RNF149: variants seen among roughly 807,000 people sequenced by gnomAD.
RNF149 encodes ring finger protein 149.
In RNF149, 21 loss-of-function variants were observed where a neutral mutation model predicts 39.0. The observed-to-expected ratio is 0.54, with a 90% CI of 0.38 to 0.77. The LOEUF (loss-of-function observed/expected upper bound fraction) is 0.77, where lower values mean the gene tolerates loss of function less well. Among genes scored for constraint, RNF149 ranks in the 30% least tolerant of loss-of-function variants. The pLI is 0.00. For missense variants in RNF149, 493 were observed against 534.9 expected (o/e 0.92, Z 0.77); for synonymous variants, 209 against 213.6 (o/e 0.98, Z 0.19).
chr2:101,285,791 T>C (rs1682771630), intron 5 of RNF149, among the ~76,000 whole-genome samples: 1 of 152,252 alleles, frequency 6.6e-6, no homozygotes, highest in African/African-American at 2.4e-5. Flanking sequence ...TATACAAAAC[T>C]AGCATACATA....
Position 101,295,045 on chromosome 2 carries a change from C to G in RNF149, c.597G>C (p.Gln199His). Residue 199 changes from glutamine to histidine, a missense_variant, in exon 2 of 7, where the codon CAG becomes CAC. Transcript: ENST00000295317. ...AGGCAATGGCCACAAACACCACAGA[C>G]TGACCGCTGATGAACTCCTGTACAT... is the stretch of plus-strand genomic sequence containing the variant. ...TRHVQEFISGQSVVFVAIAFI... is the reference protein window; with the variant it reads ...TRHVQEFISGHSVVFVAIAFI... 6.2e-7 allele frequency: 1 copy of G among 1,614,192 alleles called. No individual in the cohort carries two copies. The highest frequency in any genetic ancestry group is 8.5e-7 in the Non-Finnish European group (1 of 1,180,040).
At position 101,283,871 on chromosome 2, in the gene RNF149, C is replaced by T. The variant is rs767311145; in HGVS notation, c.961-1814G>A. 4.6e-4 allele frequency among the ~76,000 whole-genome samples: 70 copies of T among 152,110 alleles called. 1 individual carries two copies. The highest frequency in any genetic ancestry group is 2.5e-4 in the Non-Finnish European group (17 of 68,002). On this transcript the variant is annotated intron_variant, in intron 5 of 6. Transcript: ENST00000295317. ...GTGAAATTCCTTTCATACAAACATC[C>T]AGAAATGAAAAGCAAGTTTAAAACT...
rs1682381695 is a variant in RNF149, at chr2:101,277,291, A to G, written c.1160-10T>C. On this transcript the variant is annotated splice_polypyrimidine_tract_variant and intron_variant, in intron 6 of 6. Coordinates refer to ENST00000295317, the MANE Select transcript of RNF149 (RefSeq NM_173647.4). ...TCACTCCTGCCGGCTTCTGCAAGAG[A>G]GCAACATAAGCTACTCCATCAGAAG... The G allele has an allele frequency of 5.0e-6, 8 of 1,611,606 alleles. No homozygotes were observed. Among genetic ancestry groups the G allele is most frequent in the African/African-American group, 1.3e-5 (1 of 74,882 alleles).
In RNF149 at chr2:101,281,993, G is replaced by A. The variant is rs1171388508; in HGVS notation, c.1025C>T (p.Ala342Val). 1 of 1,613,958 alleles carries A rather than the reference G, an allele frequency of 6.2e-7. No homozygotes were observed. The highest frequency in any genetic ancestry group is 8.5e-7 in the Non-Finnish European group (1 of 1,180,026). ...ATCTGGTAAAGCTAGACTCAAATTTGCAGCTGGATCCCTTCCAGGAGGAGA... is the reference window on the plus strand; with the variant it reads ...ATCTGGTAAAGCTAGACTCAAATTTACAGCTGGATCCCTTCCAGGAGGAGA... ...PESPPGRDPA[A>V]NLSLALPDDD... The change falls in exon 6 of 7, where the codon GCA becomes GTA. Residue 342 changes from alanine to valine, a missense_variant. Coordinates refer to ENST00000295317, the MANE Select transcript of RNF149 (RefSeq NM_173647.4).
In RNF149 at chr2:101,297,193, G is replaced by A. The variant is rs576460577; in HGVS notation, c.461-2012C>T. Among the ~76,000 whole-genome samples the A allele has an allele frequency of 2.0e-5, 3 of 152,180 alleles. No individual in the cohort carries two copies. The South Asian group carries it at 6.2e-4, about 32-fold the overall frequency. ...CACTGCACTCCAGCCTGGGCGACAA[G>A]AGCAAGACTCCATCTCAAACAAAAT... On this transcript the variant is annotated intron_variant, in intron 1 of 6. Coordinates refer to ENST00000295317, the MANE Select transcript of RNF149 (RefSeq NM_173647.4).
intron 3 of RNF149, among the ~76,000 whole-genome samples, chr2:101,292,774 A>G (rs1033765783): frequency 6.6e-6 from 1 of 151,388 alleles, no homozygotes; most frequent in Non-Finnish European, 1.5e-5. Flanking sequence ...TCAAATGAAG[A>G]AAAAAAAAGA....
chr2:101,274,077 G>A (rs7565185), downstream of RNF149, among the ~76,000 whole-genome samples: 19 of 148,862 alleles, frequency 1.3e-4, no homozygotes, highest in South Asian at 4.2e-4. Flanking sequence ...AGAAACACCC[G>A]TCAAATTTAT....
chr2:101,308,639 G>C lies in RNF149; in HGVS notation c.-51C>G, dbSNP rs760123510. 1.1e-5 allele frequency: 16 copies of C among 1,426,196 alleles called. No individual in the cohort carries two copies. The highest frequency in any genetic ancestry group is 1.5e-5 in the African/African-American group (1 of 67,182). 88.3% of individuals were successfully genotyped at this position (1,426,196 alleles called of 1,614,324 possible). ...GGAGTCAGGGTCACGCGCGAGTGCGGTGCAGTCGAAGAGCAGAGAGAAGCG... is the reference window on the plus strand; with the variant it reads ...GGAGTCAGGGTCACGCGCGAGTGCGCTGCAGTCGAAGAGCAGAGAGAAGCG... On this transcript the variant is annotated 5_prime_UTR_variant, in exon 1 of 7. Transcript: ENST00000295317.
chr2:101,308,080 T>G (rs1183053769), intron 1 of RNF149, 49 bp downstream of exon 1: 5 of 1,585,402 alleles, frequency 3.2e-6, no homozygotes, highest in African/African-American at 1.4e-5. Flanking sequence ...GACCCCAGCC[T>G]CGGCTGCCGC....
chr2:101,301,779 G>C lies in RNF149; in HGVS notation c.460+6350C>G, dbSNP rs371564677. Among the ~76,000 whole-genome samples the C allele has an allele frequency of 1.1e-4, 16 of 152,200 alleles. No homozygotes were observed. The South Asian group carries it at 3.1e-3, about 30-fold the overall frequency. ...ATAAAAGGAAAAAAGTTCTGACTTGGTCAACAGCTTTAAAATTCTTCTGGA... is the reference window on the plus strand; with the variant it reads ...ATAAAAGGAAAAAAGTTCTGACTTGCTCAACAGCTTTAAAATTCTTCTGGA... On this transcript the variant is annotated intron_variant, in intron 1 of 6. Coordinates refer to ENST00000295317, the MANE Select transcript of RNF149 (RefSeq NM_173647.4).
chr2:101,280,201 A>AATAATAATGATG (rs70943072), intron 6 of RNF149, among the ~76,000 whole-genome samples: 1 of 146,582 alleles, frequency 6.8e-6, no homozygotes, highest in Non-Finnish European at 1.5e-5. Context: ...TAATAATAAT[A>AATAATAATGATG]ATGATGATGA....
downstream of RNF149, among the ~76,000 whole-genome samples, chr2:101,272,100 A>AT (rs1682154788): frequency 6.6e-6 from 1 of 152,166 alleles, no homozygotes; most frequent in Non-Finnish European, 1.5e-5. Flanking sequence ...CTACTAAGAT[A>AT]TTTTACTGAT....
chr2:101,304,071 TC>T (rs1683563896), intron 1 of RNF149, among the ~76,000 whole-genome samples: 1 of 152,186 alleles, frequency 6.6e-6, no homozygotes. Context: ...CCTACCTTGG[TC>T]AAGCTTACTT....
intron 1 of RNF149, among the ~76,000 whole-genome samples, chr2:101,300,266 C>A (rs1205028038): frequency 6.6e-6 from 1 of 152,064 alleles, no homozygotes; most frequent in African/African-American, 2.4e-5. Context: ...CCCAGTTTGG[C>A]TGGTGACTAA....
At chr2:101,302,338 C>A (rs995741063) in intron 1 of RNF149, among the ~76,000 whole-genome samples, 4 of 152,086 alleles carry the variant, frequency 2.6e-5, no homozygotes, top group African/African-American at 7.2e-5. Context: ...AAGAGATTCC[C>A]TAGCAGGTGA....
At chr2:101,292,069 A>G (rs1413544131) in intron 3 of RNF149, among the ~76,000 whole-genome samples, 2 of 152,256 alleles carry the variant, frequency 1.3e-5, no homozygotes, top group Non-Finnish European at 2.9e-5. Context: ...TCTAACACGA[A>G]GCCTATTTTA....
At chr2:101,282,471 G>C (rs1682630593) in intron 5 of RNF149, among the ~76,000 whole-genome samples, 1 of 151,892 alleles carries the variant, frequency 6.6e-6, no homozygotes, top group Non-Finnish European at 1.5e-5. Context: ...GATGCCTTCA[G>C]ACTGTATTAT....
chr2:101,273,819 GA>G (rs1490729118), downstream of RNF149, among the ~76,000 whole-genome samples: 2 of 152,040 alleles, frequency 1.3e-5, no homozygotes, highest in Non-Finnish European at 2.9e-5. Flanking sequence ...AACTATCACT[GA>G]AAACTTTTTC....
At chr2:101,302,923 C>T (rs762564399) in intron 1 of RNF149, among the ~76,000 whole-genome samples, 25 of 150,964 alleles carry the variant, frequency 1.7e-4, no homozygotes, top group Non-Finnish European at 2.8e-4. Flanking sequence ...AAAGCTACAG[C>T]GAGCTATGAT....
Sources: allele counts gnomAD v4.1 joint callset (sites outside exome capture counted in the v4.1 genomes callset), GRCh38; gene constraint gnomAD v4.1.1; transcripts MANE v1.5; gene names NCBI Gene and HGNC (gene_info 2026-07-23, HGNC 2026-07-21).